Variants in PFDN1 observed in about 807,000 individuals in gnomAD.
The protein encoded by PFDN1 is prefoldin subunit 1.
A neutral mutation model predicts 17.3 loss-of-function variants in PFDN1; 6 were observed. The ratio of observed to expected loss-of-function variants is 0.35; its 90% CI spans 0.19 to 0.69. The LOEUF is 0.69. PFDN1 is among the 30% of genes least tolerant of loss of function. The pLI is 0.65. For missense variants in PFDN1, 113 were observed against 146.2 expected, an observed-to-expected ratio of 0.77 and a Z score of 1.17; for synonymous variants, 58 against 50.1, an observed-to-expected ratio of 1.16 and a Z score of -0.67.
intron 3 of PFDN1, among the ~76,000 whole-genome samples, chr5:140,257,614 T>C (rs972079095): frequency 1.3e-5 from 2 of 152,256 alleles, no homozygotes; most frequent in African/African-American, 4.8e-5. Context: ...TTCTTGTTTA[T>C]TTCTTTATTG....
chr5:140,299,797 A>T (rs188849199), intron 2 of PFDN1, among the ~76,000 whole-genome samples: 1 of 151,860 alleles, frequency 6.6e-6, no homozygotes, highest in Non-Finnish European at 1.5e-5. Flanking sequence ...GCGGATCAGG[A>T]GGTCAGGAGT....
intron 3 of PFDN1, among the ~76,000 whole-genome samples, chr5:140,274,155 G>C (rs1232975173): frequency 1.3e-5 from 2 of 152,120 alleles, no homozygotes; most frequent in East Asian, 3.8e-4. Context: ...ACCAGAGGAT[G>C]AATTTCCCAC....
Position 140,281,477 on chromosome 5 carries a change from A to G in PFDN1, c.257T>C (p.Ile86Thr), listed in dbSNP as rs1179829346. ...IHSQLLEKQK[I>T]AEEKIKELEQ... ...TAGTTCTTTAATTTTTTCTTCTGCT[A>G]TTTTCTGCTTCTCTAACAGCTGACT... The change falls in exon 3 of 4, where the codon ATA becomes ACA. Residue 86 changes from isoleucine (I) to threonine (T), a missense_variant. Ile to Thr is a moderately conservative substitution (Grantham distance 89). Coordinates refer to ENST00000261813, the MANE Select transcript of PFDN1 (RefSeq NM_002622.5). 6.3e-7 allele frequency: 1 copy of G among 1,579,294 alleles called. No homozygotes were observed. Among genetic ancestry groups the G allele is most frequent in the Admixed American group, 1.7e-5 (1 of 59,922 alleles).
At chr5:140,262,166 A>C in intron 3 of PFDN1, among the ~76,000 whole-genome samples, 1 of 152,176 alleles carries the variant, frequency 6.6e-6, no homozygotes, top group Non-Finnish European at 1.5e-5. Flanking sequence ...CAATTTCCAG[A>C]TGCCAGGCCA....
intron 3 of PFDN1, among the ~76,000 whole-genome samples, chr5:140,248,756 T>G (rs887959739): frequency 1.3e-5 from 2 of 152,256 alleles, no homozygotes; most frequent in Non-Finnish European, 2.9e-5. Context: ...GTAAAATCTC[T>G]GCTTTCTAAC....
rs565653059 is a variant in PFDN1, at chr5:140,296,099, C to T, written c.200+4317G>A. 4.6e-5 allele frequency among the ~76,000 whole-genome samples: 7 copies of T among 152,100 alleles called. 1 individual carries two copies. The highest frequency in any genetic ancestry group is 1.2e-4 in the African/African-American group (5 of 41,506). On this transcript the variant is annotated intron_variant, in intron 2 of 3. Coordinates refer to ENST00000261813, the MANE Select transcript of PFDN1 (RefSeq NM_002622.5). ...GAATTAATCCTGTCAGATCAGAGGA[C>T]GTGATTTTGGTCAGATATAATTTTT... is the stretch of plus-strand genomic sequence containing the variant.
chr5:140,301,480 C>G (rs1348896546), intron 1 of PFDN1, among the ~76,000 whole-genome samples: 1 of 152,150 alleles, frequency 6.6e-6, no homozygotes, highest in Non-Finnish European at 1.5e-5. Context: ...CAATGCACAG[C>G]AAAGGCTACT....
Position 140,251,356 on chromosome 5 carries a change from T to C in PFDN1, c.286-5299A>G, listed in dbSNP as rs536596664. ...AACGTTACAGATCCCAGTGGGGGCT[T>C]TGGATCTGGCCTTGCTTCCACAAAC... On this transcript the variant is annotated intron_variant, in intron 3 of 3. Transcript: ENST00000261813. Among the ~76,000 whole-genome samples the C allele has an allele frequency of 2.0e-5, 3 of 152,318 alleles. No individual in the cohort carries two copies. In the East Asian group the frequency reaches 5.8e-4, roughly 29 times the overall value.
intron 3 of PFDN1, among the ~76,000 whole-genome samples, chr5:140,273,658 GT>G (rs757672294): frequency 1.4e-4 from 21 of 146,990 alleles, no homozygotes; most frequent in East Asian, 3.9e-4. Context: ...GACTTTAACA[GT>G]TTTTTTTTTT....
chr5:140,300,609 T>C (rs769842902), intron 1 of PFDN1, 27 bp from the exon 2 acceptor site: 6 of 1,510,370 alleles, frequency 4.0e-6, no homozygotes, highest in Non-Finnish European at 5.4e-6. Flanking sequence ...CATGATTTAG[T>C]AGGTAAAACA....
chr5:140,252,171 G>C (rs1487792532), intron 3 of PFDN1, among the ~76,000 whole-genome samples: 1 of 151,038 alleles, frequency 6.6e-6, no homozygotes. Flanking sequence ...TTCTTCACAT[G>C]AACTCTTGCC....
At chr5:140,282,575 A>T (rs1765426804) in intron 2 of PFDN1, among the ~76,000 whole-genome samples, 1 of 152,216 alleles carries the variant, frequency 6.6e-6, no homozygotes, top group African/African-American at 2.4e-5. Context: ...TACCTCTGAA[A>T]AGCTCAAAAT....
intron 3 of PFDN1, among the ~76,000 whole-genome samples, chr5:140,255,219 C>A (rs545786580): frequency 1.3e-5 from 2 of 151,814 alleles, no homozygotes; most frequent in East Asian, 3.9e-4. Context: ...CTTCCCTCTA[C>A]CAAATCTACT....
chr5:140,280,014 C>CAAAAAAAAAAAAAA (rs5871731), intron 3 of PFDN1, among the ~76,000 whole-genome samples: 13 of 99,122 alleles, frequency 1.3e-4, no homozygotes, highest in African/African-American at 6.0e-4. Context: ...AAAAAAAAAA[C>CAAAAAAAAAAAAAA]AAAAAAAGAA....
At position 140,254,047 on chromosome 5, in the gene PFDN1, A is replaced by G. The variant is rs1026452112; in HGVS notation, c.286-7990T>C. On this transcript the variant is annotated intron_variant, in intron 3 of 3. Transcript: ENST00000261813. The surrounding 1 kb of genome is among the most constrained non-coding windows in gnomAD (Gnocchi z 4.4). The stretch of plus-strand genomic sequence containing the variant: ...CAGGAGTCAGCAAACTTTTTCTATA[A>G]AGGGCCAGATAATAAATATTTCAGG... Among the ~76,000 whole-genome samples the G allele has an allele frequency of 2.0e-5, 3 of 152,198 alleles. No individual in the cohort carries two copies. Among genetic ancestry groups the G allele is most frequent in the African/African-American group, 4.8e-5 (2 of 41,456 alleles).
At chr5:140,293,479 A>C (rs920009897) in intron 2 of PFDN1, among the ~76,000 whole-genome samples, 1 of 152,118 alleles carries the variant, frequency 6.6e-6, no homozygotes, top group African/African-American at 2.4e-5. Context: ...GTACTCTCCA[A>C]GATAACAGAC....
At position 140,300,519 on chromosome 5, in the gene PFDN1, G is replaced by C. The variant is rs767794566; in HGVS notation, c.97C>G (p.Gln33Glu). ...TTCGTTCTGTTTAGCTGTTCAATCT[G>C]TATGTCTGCGAGCTTCACCTTCTGT... ...TQQKVKLADI[Q>E]IEQLNRTKKH... The change falls in exon 2 of 4, where the codon CAG (glutamine) becomes GAG (glutamate). Residue 33 changes from glutamine (Q) to glutamate (E), a missense_variant. By Grantham distance (29) the Gln-to-Glu change is conservative. Coordinates refer to ENST00000261813, the MANE Select transcript of PFDN1 (RefSeq NM_002622.5). The C allele has an allele frequency of 6.2e-6, 10 of 1,612,972 alleles. No individual in the cohort carries two copies. In the South Asian group the frequency reaches 1.1e-4, roughly 18 times the overall value.
intron 2 of PFDN1, among the ~76,000 whole-genome samples, chr5:140,296,865 C>T (rs1479583234): frequency 1.3e-5 from 2 of 152,060 alleles, no homozygotes; most frequent in African/African-American, 4.8e-5. Context: ...GCTATCCTAA[C>T]CCTGGAAAAA....
chr5:140,255,323 A>G (rs2126679632), intron 3 of PFDN1, among the ~76,000 whole-genome samples: 1 of 152,286 alleles, frequency 6.6e-6, no homozygotes, highest in East Asian at 1.9e-4. Context: ...TCAAAATACA[A>G]CCCTGCACTT....
Sources: allele counts gnomAD v4.1 joint callset (sites outside exome capture counted in the v4.1 genomes callset), GRCh38; gene constraint gnomAD v4.1.1; non-coding constraint Gnocchi (gnomAD v3.1); transcripts MANE v1.5; gene names NCBI Gene and HGNC (gene_info 2026-07-23, HGNC 2026-07-21).